SPAG16: variants seen among roughly 807,000 people sequenced by gnomAD.
SPAG16 encodes the protein sperm associated antigen 16.
In SPAG16, 86 loss-of-function variants were observed where a neutral mutation model predicts 80.4. The ratio of observed to expected loss-of-function variants is 1.07; its 90% CI spans 0.90 to 1.28. SPAG16 has a LOEUF of 1.28. SPAG16 is among the 50% of genes most tolerant of loss of function. The pLI, the probability that SPAG16 is intolerant of heterozygous loss-of-function variation, is 0.00. For missense variants in SPAG16, 870 were observed against 765.3 expected (o/e 1.14, Z -1.61); for synonymous variants, 294 against 265.9 (o/e 1.11, Z -1.03).
chr2:213,744,193 A>G (rs182981912), intron 10 of SPAG16, among the ~76,000 whole-genome samples: 1 of 152,228 alleles, frequency 6.6e-6, no homozygotes, highest in East Asian at 1.9e-4. Context: ...ACAGCTCTGA[A>G]CCAAAGCAGC....
In SPAG16 at chr2:214,307,218, G is replaced by T. The variant is rs114665651; in HGVS notation, c.1721-102922G>T. On this transcript the variant is annotated intron_variant, in intron 15 of 15. Transcript: ENST00000331683. ...TGATGTTTCTTTGTATTTCTGTGGGGTCAATGGTAATATCCCCCTTTTTTG... is the reference window on the plus strand; with the variant it reads ...TGATGTTTCTTTGTATTTCTGTGGGTTCAATGGTAATATCCCCCTTTTTTG... Among the ~76,000 whole-genome samples, 686 of 152,052 alleles carry T rather than the reference G, an allele frequency of 4.5e-3. 4 individuals are homozygous for T. Among genetic ancestry groups the T allele is most frequent in the African/African-American group, 0.016 (651 of 41,492 alleles).
At chr2:213,649,909 C>T (rs1451371562) in intron 10 of SPAG16, among the ~76,000 whole-genome samples, 1 of 152,168 alleles carries the variant, frequency 6.6e-6, no homozygotes, top group East Asian at 1.9e-4. Context: ...AGAAGAGATT[C>T]ATCCAGTTAT....
chr2:213,734,279 A>G (rs1574978586), intron 10 of SPAG16, among the ~76,000 whole-genome samples: 1 of 152,190 alleles, frequency 6.6e-6, no homozygotes, highest in South Asian at 2.1e-4. Context: ...CCATTTGCCC[A>G]CAATTCTAAC....
chr2:213,517,999 A>T (rs1345620453), intron 10 of SPAG16, among the ~76,000 whole-genome samples: 3 of 152,224 alleles, frequency 2.0e-5, no homozygotes, highest in African/African-American at 4.8e-5. Flanking sequence ...AAAAGAAATT[A>T]TCAATAAACT....
At chr2:213,688,283 A>G (rs1339622802) in intron 10 of SPAG16, among the ~76,000 whole-genome samples, 3 of 152,164 alleles carry the variant, frequency 2.0e-5, no homozygotes, top group East Asian at 1.9e-4. Flanking sequence ...TAGATGACAA[A>G]TGTTTCCTAT....
intron 15 of SPAG16, among the ~76,000 whole-genome samples, chr2:214,295,432 C>T (rs1044253816): frequency 1.3e-5 from 2 of 151,994 alleles, no homozygotes; most frequent in Non-Finnish European, 2.9e-5. Flanking sequence ...ATAATTTATA[C>T]CAACAATTGG....
chr2:214,077,611 A>G (rs910641628), intron 13 of SPAG16, among the ~76,000 whole-genome samples: 1 of 152,244 alleles, frequency 6.6e-6, no homozygotes, highest in Non-Finnish European at 1.5e-5. Flanking sequence ...CACGTTGGCC[A>G]GCCATGTGCC....
intron 10 of SPAG16, among the ~76,000 whole-genome samples, chr2:213,772,963 A>G (rs2069344149): frequency 6.6e-6 from 1 of 151,826 alleles, no homozygotes; most frequent in African/African-American, 2.4e-5. Flanking sequence ...ATGCTTTTAT[A>G]TACAATATGT....
chr2:214,230,671 A>G (rs13024929), intron 15 of SPAG16, among the ~76,000 whole-genome samples: 1 of 151,990 alleles, frequency 6.6e-6, no homozygotes, highest in African/African-American at 2.4e-5. Context: ...TGCAAAACCA[A>G]GATCTCTCCA....
At chr2:213,321,664 C>G (rs981195369) in intron 5 of SPAG16, among the ~76,000 whole-genome samples, 43 of 152,108 alleles carry the variant, frequency 2.8e-4, no homozygotes, top group African/African-American at 9.4e-4. Context: ...TTGTCATTTT[C>G]TCTGTTGTCA....
intron 10 of SPAG16, among the ~76,000 whole-genome samples, chr2:213,790,922 G>GT (rs1376941856): frequency 6.6e-6 from 1 of 152,056 alleles, no homozygotes. Flanking sequence ...TGCTGCCTGA[G>GT]TATTTTGCTT....
chr2:213,949,169 G>GTTTTTTT (rs767648099), intron 12 of SPAG16, among the ~76,000 whole-genome samples: 12 of 56,726 alleles, frequency 2.1e-4, no homozygotes, highest in Non-Finnish European at 3.3e-4. Flanking sequence ...AATTACAACA[G>GTTTTTTT]TTTTTTTTTT....
chr2:214,044,525 C>T (rs1358192907), intron 13 of SPAG16, among the ~76,000 whole-genome samples: 5 of 152,032 alleles, frequency 3.3e-5, no homozygotes, highest in Non-Finnish European at 5.9e-5. Flanking sequence ...CCCACAAGAA[C>T]ACAAAATTAA....
rs1165853142 is a variant in SPAG16, at chr2:213,859,178, C to CAAAAAAAAAAAAAAAAAAAAAAAAAA, written c.1071-3294_1071-3269dup. Reference sequence around the variant, plus strand: ...TGGGCAACAGAGCGACACTCCGTCTCAAAAAAAAAAAAAAAAAAAAAAAAA... The same window carrying CAAAAAAAAAAAAAAAAAAAAAAAAAA: ...TGGGCAACAGAGCGACACTCCGTCTCAAAAAAAAAAAAAAAAAAAAAAAAAAAAAAAAAAAAAAAAAAAAAAAAAAA... On this transcript the variant is annotated intron_variant, in intron 10 of 15. Coordinates refer to ENST00000331683, the MANE Select transcript of SPAG16 (RefSeq NM_024532.5). 8.5e-4 allele frequency among the ~76,000 whole-genome samples: 8 copies of CAAAAAAAAAAAAAAAAAAAAAAAAAA among 9,376 alleles called. 2 individuals carry two copies. Among genetic ancestry groups the CAAAAAAAAAAAAAAAAAAAAAAAAAA allele is most frequent in the Non-Finnish European group, 1.3e-3 (7 of 5,530 alleles). The allele number at this position is 9,376 out of a possible 152,430, so 6.2% of individuals were successfully genotyped here. A position where few individuals can be genotyped will look rare whatever the true frequency, so the allele number is the denominator to read the frequency against.
intron 15 of SPAG16, among the ~76,000 whole-genome samples, chr2:214,359,061 T>C (rs1423185822): frequency 6.6e-6 from 1 of 151,874 alleles, no homozygotes; most frequent in African/African-American, 2.4e-5. Context: ...CTGTGTACTA[T>C]GTATGAGTTA....
chr2:213,774,657 G>A (rs2069458783), intron 10 of SPAG16, among the ~76,000 whole-genome samples: 1 of 152,020 alleles, frequency 6.6e-6, no homozygotes, highest in Non-Finnish European at 1.5e-5. Context: ...TTTCTTCTCT[G>A]GTACCATCAC....
intron 14 of SPAG16, among the ~76,000 whole-genome samples, chr2:214,118,962 G>T (rs1277559665): frequency 6.6e-6 from 1 of 152,202 alleles, no homozygotes; most frequent in East Asian, 1.9e-4. Context: ...ATACTACAAT[G>T]CTAAGAAATT....
chr2:213,855,286 A>G (rs9288471), intron 10 of SPAG16, among the ~76,000 whole-genome samples: 52,321 of 152,094 alleles, frequency 0.34, 9,450 homozygotes, highest in South Asian at 0.47. Flanking sequence ...TAAAAAAGGA[A>G]AAGTCAACAG....
chr2:214,028,372 C>T (rs745845031), intron 13 of SPAG16, among the ~76,000 whole-genome samples: 1 of 151,992 alleles, frequency 6.6e-6, no homozygotes, highest in South Asian at 2.1e-4. Context: ...GATGATGGAG[C>T]CTTTTCACAA....
Sources: gnomAD v4.1 joint callset for allele counts (sites outside exome capture counted in the v4.1 genomes callset) on GRCh38, gnomAD v4.1.1 for gene constraint, MANE v1.5 for transcripts, NCBI Gene and HGNC (gene_info 2026-07-23, HGNC 2026-07-21) for gene names.